JAZF1: variants seen among roughly 807,000 people sequenced by gnomAD.
The protein encoded by JAZF1 is JAZF zinc finger 1.
In JAZF1, 8 loss-of-function variants were observed where a neutral mutation model predicts 26.4. The ratio of observed to expected loss-of-function variants is 0.30; its 90% CI spans 0.18 to 0.55. The LOEUF is 0.55. Ranked by LOEUF, JAZF1 falls within the 20% of genes least tolerant of loss-of-function variation. The pLI is 0.94. For synonymous variants in JAZF1, 126 were observed against 122.3 expected (o/e 1.03, Z -0.20); for missense variants, 199 against 322.0 (o/e 0.62, Z 2.92).
chr7:27,944,949 T>C (rs558150025), intron 2 of JAZF1, among the ~76,000 whole-genome samples: 3 of 152,268 alleles, frequency 2.0e-5, no homozygotes, highest in Admixed American at 6.5e-5. Context: ...AACGCTGTCA[T>C]CTGCTACGGT....
intron 1 of JAZF1, among the ~76,000 whole-genome samples, chr7:27,995,826 T>C (rs929614699): frequency 2.6e-5 from 4 of 152,128 alleles, no homozygotes; most frequent in South Asian, 2.1e-4. Flanking sequence ...CTCAATTACA[T>C]TGCGAAGGGC....
At chr7:27,839,725 T>C (rs1011533962) in intron 4 of JAZF1, among the ~76,000 whole-genome samples, 1 of 152,236 alleles carries the variant, frequency 6.6e-6, no homozygotes, top group South Asian at 2.1e-4. Flanking sequence ...TACATTTGTG[T>C]GCCATGCTTT....
At position 28,091,671 on chromosome 7, in the gene JAZF1, C is replaced by CAGAGAG. The variant is rs140074968; in HGVS notation, c.115+88786_115+88791dup. On this transcript the variant is annotated intron_variant, in intron 1 of 4. Transcript: ENST00000283928. Reference sequence around the variant, plus strand: ...AGACACACACATATATATGCACATGCAGAGAGAGAGAGAGAGAGATCAAAG... The same window carrying CAGAGAG: ...AGACACACACATATATATGCACATGCAGAGAGAGAGAGAGAGAGAGAGAGATCAAAG... Among the ~76,000 whole-genome samples the CAGAGAG allele has an allele frequency of 8.0e-4, 118 of 147,110 alleles. 3 individuals carry two copies. The East Asian group carries it at 0.023, about 28-fold the overall frequency.
chr7:28,034,503 C>CAA (rs1554283297), intron 1 of JAZF1, among the ~76,000 whole-genome samples: 1 of 151,154 alleles, frequency 6.6e-6, no homozygotes, highest in African/African-American at 2.4e-5. Flanking sequence ...CACACACACA[C>CAA]TGATTTATAA....
At chr7:27,998,684 A>G (rs1369353857) in intron 1 of JAZF1, among the ~76,000 whole-genome samples, 1 of 152,224 alleles carries the variant, frequency 6.6e-6, no homozygotes, top group African/African-American at 2.4e-5. Context: ...TAAATATCTA[A>G]AAGTCAGGGA....
intron 1 of JAZF1, among the ~76,000 whole-genome samples, chr7:28,027,279 A>G (rs578207306): frequency 6.6e-6 from 1 of 152,306 alleles, no homozygotes; most frequent in South Asian, 2.1e-4. Context: ...AGAGTAGGAA[A>G]AAGTGGTTCC....
intron 1 of JAZF1, among the ~76,000 whole-genome samples, chr7:28,014,555 T>C (rs1388895824): frequency 1.3e-5 from 2 of 152,222 alleles, no homozygotes; most frequent in Non-Finnish European, 2.9e-5. Context: ...CTCTCTCTCT[T>C]TGCCTGCTGC....
intron 2 of JAZF1, among the ~76,000 whole-genome samples, chr7:27,928,225 T>G (rs1784629830): frequency 1.3e-5 from 2 of 152,252 alleles, no homozygotes; most frequent in Non-Finnish European, 2.9e-5. Flanking sequence ...CATTTTCTGG[T>G]ACATTTGAAA....
chr7:27,930,105 C>G (rs1180845422), intron 2 of JAZF1, among the ~76,000 whole-genome samples: 1 of 152,118 alleles, frequency 6.6e-6, no homozygotes. Flanking sequence ...ACACCATTCT[C>G]CTGCCTCAGC....
intron 3 of JAZF1, among the ~76,000 whole-genome samples, chr7:27,880,717 T>C (rs1783754389): frequency 6.6e-6 from 1 of 152,160 alleles, no homozygotes; most frequent in Admixed American, 6.5e-5. Flanking sequence ...CAGGCTGAAG[T>C]GCAGTGGTGC....
intron 1 of JAZF1, among the ~76,000 whole-genome samples, chr7:28,049,766 C>T (rs1421344638): frequency 6.6e-6 from 1 of 152,138 alleles, no homozygotes; most frequent in Non-Finnish European, 1.5e-5. Context: ...AAGGATACAA[C>T]TCAGGAACAG....
At chr7:28,077,001 T>C (rs564570818) in intron 1 of JAZF1, among the ~76,000 whole-genome samples, 1 of 152,266 alleles carries the variant, frequency 6.6e-6, no homozygotes, top group African/African-American at 2.4e-5. Flanking sequence ...GAAACCCAGC[T>C]GCAGAGCATT....
rs141528825 is a variant in JAZF1 at position 27,896,483 on chromosome 7, T to C, written c.189-1067A>G. Among the ~76,000 whole-genome samples the C allele has an allele frequency of 5.6e-4, 85 of 152,310 alleles. No individual in the cohort carries two copies. The East Asian group carries it at 9.8e-3, about 18-fold the overall frequency. On this transcript the variant is annotated intron_variant, in intron 2 of 4. Transcript: ENST00000283928. ...CTAGGCTAAGAAACAGAACATTCCATGCCCCCCAAGGCCTCTCTCCAACAC... is the reference window on the plus strand; with the variant it reads ...CTAGGCTAAGAAACAGAACATTCCACGCCCCCCAAGGCCTCTCTCCAACAC...
At chr7:28,055,288 T>C (rs1783685277) in intron 1 of JAZF1, among the ~76,000 whole-genome samples, 2 of 152,120 alleles carry the variant, frequency 1.3e-5, no homozygotes, top group South Asian at 4.1e-4. Context: ...GATCAAGTCA[T>C]ATTCCAGGGT....
At chr7:28,145,222 G>A (rs1035289701) in intron 1 of JAZF1, among the ~76,000 whole-genome samples, 2 of 152,180 alleles carry the variant, frequency 1.3e-5, no homozygotes, top group Non-Finnish European at 2.9e-5. Flanking sequence ...GAAGGACAAA[G>A]GAAAAGGTAA....
chr7:28,079,805 G>A (rs538829847), intron 1 of JAZF1, among the ~76,000 whole-genome samples: 26 of 152,266 alleles, frequency 1.7e-4, no homozygotes, highest in Admixed American at 4.6e-4. Context: ...ATTGACTGCA[G>A]CATCGGTTTA....
chr7:28,065,419 G>A lies in JAZF1; in HGVS notation c.116-73438C>T, dbSNP rs374807751. 5.3e-5 allele frequency among the ~76,000 whole-genome samples: 8 copies of A among 151,568 alleles called. No homozygotes were observed. In the South Asian group the frequency reaches 6.3e-4, roughly 12 times the overall value. ...GAGTAGAGGAGTGGGTGAGAGAAGCGGGGAGGCGCCTCAGGAGAACAATCA... is the reference window on the plus strand; with the variant it reads ...GAGTAGAGGAGTGGGTGAGAGAAGCAGGGAGGCGCCTCAGGAGAACAATCA... On this transcript the variant is annotated intron_variant, in intron 1 of 4. Transcript: ENST00000283928.
At chr7:28,001,682 G>T (rs1303784603) in intron 1 of JAZF1, among the ~76,000 whole-genome samples, 1 of 152,134 alleles carries the variant, frequency 6.6e-6, no homozygotes, top group Non-Finnish European at 1.5e-5. Context: ...TGCAGATTGG[G>T]TCACATCACA....
intron 1 of JAZF1, among the ~76,000 whole-genome samples, chr7:28,141,648 A>G (rs889916399): frequency 1.3e-5 from 2 of 152,206 alleles, no homozygotes; most frequent in African/African-American, 4.8e-5. Flanking sequence ...ACAAATGTTC[A>G]TATACAGTAA....
Sources: gnomAD v4.1 joint callset for allele counts (sites outside exome capture counted in the v4.1 genomes callset) on GRCh38, gnomAD v4.1.1 for gene constraint, MANE v1.5 for transcripts, NCBI Gene and HGNC (gene_info 2026-07-23, HGNC 2026-07-21) for gene names.